Variants in PNISR observed in about 807,000 individuals in gnomAD.
PNISR encodes PNN interacting serine and arginine rich protein.
In PNISR, 20 loss-of-function variants were observed where a neutral mutation model predicts 93.4. That is an observed-to-expected ratio of 0.21 (90% confidence interval 0.15 to 0.31). The LOEUF (loss-of-function observed/expected upper bound fraction) is 0.31. Among genes scored for constraint, PNISR ranks in the 10% least tolerant of loss-of-function variants. PNISR has a pLI of 1.00. For missense variants in PNISR, 893 were observed against 985.4 expected (o/e 0.91, Z 1.25); for synonymous variants, 305 against 306.5 (o/e 0.99, Z 0.05).
Position 99,404,666 on chromosome 6 carries a change from G to A in PNISR, c.1039C>T (p.Leu347=). ...LTKMLLTEIL[L]DVTDEEIYYV... The stretch of plus-strand genomic sequence containing the variant: ...TAAATTTCTTCATCTGTGACATCCA[G>A]CAGAATTTCTGTTAGAAGCATTTTT... The change falls in exon 9 of 12, where the codon CTG becomes TTG. Residue 347 remains leucine (L), a synonymous_variant. Coordinates refer to ENST00000369239, the MANE Select transcript of PNISR (RefSeq NM_032870.4). The A allele has an allele frequency of 6.2e-7, 1 of 1,604,120 alleles. No individual in the cohort carries two copies. Among genetic ancestry groups the A allele is most frequent in the Non-Finnish European group, 8.5e-7 (1 of 1,171,168 alleles).
intron 10 of PNISR, 191 bp from the exon 11 acceptor site, chr6:99,402,901 T>C (rs1471795692): frequency 1.6e-5 from 7 of 430,782 alleles, no homozygotes; most frequent in East Asian, 1.3e-4. Context: ...AAAGGTTACT[T>C]AATATCTTAT....
intron 2 of PNISR, 165 bp from the exon 3 acceptor site, chr6:99,414,855 AGAAAATTTTATGTTAATG>A: frequency 2.6e-6 from 1 of 391,532 alleles, no homozygotes; most frequent in Non-Finnish European, 4.5e-6. Flanking sequence ...CAAACGAGGT[AGAAAATTTTATGTTAATG>A]CTGGTCTCAG....
intron 10 of PNISR, chr6:99,403,535 T>A: frequency 5.5e-6 from 1 of 182,318 alleles, no homozygotes; most frequent in African/African-American, 2.4e-5. Flanking sequence ...AAACTATAGG[T>A]GTTCATATAT....
chr6:99,402,446 G>T, intron 11 of PNISR, 94 bp downstream of exon 11: 2 of 919,014 alleles, frequency 2.2e-6, no homozygotes, highest in Non-Finnish European at 3.2e-6. Flanking sequence ...TTATAATATA[G>T]CCTTTATTTT....
At position 99,401,226 on chromosome 6, in the gene PNISR, G is replaced by A. The variant is rs1243009976; in HGVS notation, c.1732C>T (p.Arg578Cys). ...CTATTGCTCTCTATTTTAATTCTGCGAGAATAGCTTCTACTCCTGCTACGT... is the reference window on the plus strand; with the variant it reads ...CTATTGCTCTCTATTTTAATTCTGCAAGAATAGCTTCTACTCCTGCTACGT... The part of the protein sequence containing the change: ...ARRSRSRSYS[R>C]RIKIESNRAR... The change falls in exon 12 of 12, where the codon CGC (arginine) becomes TGC (cysteine). Residue 578 changes from arginine (R) to cysteine (C), a missense_variant. By Grantham distance (180) the Arg-to-Cys change is radical. This residue lies in a region of PNISR where 866 missense variants were observed against 935.1 expected (regional missense o/e 0.93). Transcript: ENST00000369239. The A allele has an allele frequency of 1.2e-6, 2 of 1,613,754 alleles. No homozygotes were observed. The highest frequency in any genetic ancestry group is 8.5e-7 in the Non-Finnish European group (1 of 1,179,916).
intron 7 of PNISR, among the ~76,000 whole-genome samples, chr6:99,407,242 T>C (rs574209745): frequency 4.9e-4 from 74 of 150,632 alleles, no homozygotes; most frequent in African/African-American, 1.6e-3. Context: ...ATTGCTTGAG[T>C]CCAGGAGTTC....
In PNISR at chr6:99,406,147, C is replaced by T. The variant is rs1554213903; in HGVS notation, c.886G>A (p.Asp296Asn). ...SKFDSDEEEE[D>N]TENVEAASSG... ...CTTGCAGCCTCAACATTTTCAGTGT[C>T]TTCTTCTTCCTCATCACTATCCTAT... The change falls in exon 8 of 12, where the codon GAC becomes AAC. Residue 296 changes from aspartate to asparagine, a missense_variant. Asp to Asn is a conservative substitution (Grantham distance 23, BLOSUM62 1). Around this residue, in one of 3 missense-constraint regions of PNISR, gnomAD observed 866 missense variants for 935.1 expected, o/e 0.93. Transcript: ENST00000369239. 1 of 1,609,270 alleles carries T rather than the reference C, an allele frequency of 6.2e-7. No individual in the cohort carries two copies. The highest frequency in any genetic ancestry group is 8.5e-7 in the Non-Finnish European group (1 of 1,175,878).
At position 99,398,055 on chromosome 6, in the gene PNISR, T is replaced by G. The variant is rs998302754; in HGVS notation, c.*2485A>C. ...CAGAAAACATATACACTAACGAGAT[T>G]CCACACCAATTTTTATTTATATTTT... On this transcript the variant is annotated 3_prime_UTR_variant, in exon 12 of 12. Transcript: ENST00000369239. 2.0e-4 allele frequency: 30 copies of G among 152,170 alleles called. No homozygotes were observed. The highest frequency in any genetic ancestry group is 7.0e-4 in the African/African-American group (29 of 41,456). 9.4% of individuals were successfully genotyped at this position (152,170 alleles called of 1,614,324 possible). A position where few individuals can be genotyped will look rare whatever the true frequency, so the allele number is the denominator to read the frequency against.
chr6:99,418,421 C>T (rs1778025071), intron 1 of PNISR, among the ~76,000 whole-genome samples: 1 of 150,012 alleles, frequency 6.7e-6, no homozygotes, highest in Non-Finnish European at 1.5e-5. Context: ...TAGGTGTGAA[C>T]CACCGCACCC....
At chr6:99,402,135 A>C (rs1349723894) in intron 11 of PNISR, among the ~76,000 whole-genome samples, 3 of 152,220 alleles carry the variant, frequency 2.0e-5, no homozygotes, top group African/African-American at 7.2e-5. Flanking sequence ...ATTACCTTAG[A>C]TTTTTCAAAG....
chr6:99,401,490 T>C lies in PNISR; in HGVS notation c.1468A>G (p.Thr490Ala). Residue 490 changes from threonine to alanine, a missense_variant, in exon 12 of 12, where the codon ACA becomes GCA. By Grantham distance (58) the Thr-to-Ala change is moderately conservative. Coordinates refer to ENST00000369239, the MANE Select transcript of PNISR (RefSeq NM_032870.4). ...NEKKRTPNET[T>A]SVLEPKKEHK... is the part of the protein sequence containing the mutation. ...TCTTTTTTTGGTTCTAAAACTGATG[T>C]GGTTTCATTTGGAGTTCTCTTCTTT... is the stretch of plus-strand genomic sequence containing the variant. 1 of 1,613,086 alleles carries C rather than the reference T, an allele frequency of 6.2e-7. No individual in the cohort carries two copies. The highest frequency in any genetic ancestry group is 8.5e-7 in the Non-Finnish European group (1 of 1,179,798).
Position 99,406,176 on chromosome 6 carries a change from A to G in PNISR, c.865-8T>C. 6.3e-7 allele frequency: 1 copy of G among 1,592,880 alleles called. No individual in the cohort carries two copies. Among genetic ancestry groups the G allele is most frequent in the Non-Finnish European group, 8.6e-7 (1 of 1,163,176 alleles). ...TTCTTCCTCATCACTATCCTATAAAAAACAATAGTATGGTAGTCCAAATTC... is the reference window on the plus strand; with the variant it reads ...TTCTTCCTCATCACTATCCTATAAAGAACAATAGTATGGTAGTCCAAATTC... On this transcript the variant is annotated splice_polypyrimidine_tract_variant and splice_region_variant and intron_variant, in intron 7 of 11. Coordinates refer to ENST00000369239, the MANE Select transcript of PNISR (RefSeq NM_032870.4).
At chr6:99,420,514 G>A (rs1441053870) in intron 1 of PNISR, among the ~76,000 whole-genome samples, 1 of 152,136 alleles carries the variant, frequency 6.6e-6, no homozygotes, top group African/African-American at 2.4e-5. Flanking sequence ...AAGGATTTAG[G>A]AACACTACTC....
At chr6:99,402,003 C>G (rs1452242367) in intron 11 of PNISR, among the ~76,000 whole-genome samples, 1 of 152,088 alleles carries the variant, frequency 6.6e-6, no homozygotes, top group Non-Finnish European at 1.5e-5. Flanking sequence ...TAGCAAAATA[C>G]AGTATCAAGA....
At position 99,414,707 on chromosome 6, in the gene PNISR, A is replaced by ATGTT; in HGVS notation, c.-31-18_-31-17insAACA. The ATGTT allele has an allele frequency of 8.7e-7, 1 of 1,154,544 alleles. No homozygotes were observed. The allele number at this position is 1,154,544 out of a possible 1,614,324, so 71.5% of individuals were successfully genotyped here. ...ATTTTCTATCTTCAATAAATTAAAC[A>ATGTT]TAGTTTAAAAATTATAGTGAGTTAT... On this transcript the variant is annotated splice_polypyrimidine_tract_variant and intron_variant, in intron 2 of 11. Transcript: ENST00000369239.
chr6:99,403,521 G>A (rs1775778514), intron 10 of PNISR: 1 of 170,348 alleles, frequency 5.9e-6, no homozygotes, highest in East Asian at 1.5e-4. Context: ...GAATTATTAA[G>A]TACAAACTAT....
intron 4 of PNISR, among the ~76,000 whole-genome samples, chr6:99,411,272 C>A (rs1776873878): frequency 6.6e-6 from 1 of 152,118 alleles, no homozygotes; most frequent in Admixed American, 6.5e-5. Context: ...AGTAACAACA[C>A]CACAAAAATA....
chr6:99,404,789 T>C, intron 8 of PNISR, 87 bp from the exon 9 acceptor site: 1 of 599,488 alleles, frequency 1.7e-6, no homozygotes, highest in Non-Finnish European at 2.9e-6. Flanking sequence ...TGCAAAGCCA[T>C]TTTTTTTTTC....
At chr6:99,410,523 C>T (rs111960058) in intron 5 of PNISR, 6 of 505,100 alleles carry the variant, frequency 1.2e-5, no homozygotes, top group African/African-American at 7.7e-5. Flanking sequence ...CAAAAGTTTT[C>T]CGTAATGATC....
Sources: allele counts gnomAD v4.1 joint callset (sites outside exome capture counted in the v4.1 genomes callset), GRCh38; gene constraint gnomAD v4.1.1; regional missense constraint gnomAD v4.1.1; transcripts MANE v1.5; gene names NCBI Gene and HGNC (gene_info 2026-07-23, HGNC 2026-07-21).